PECR: variants seen among roughly 807,000 people sequenced by gnomAD.
PECR encodes 2,4-dienoyl-CoA reductase-related protein.
A neutral mutation model predicts 35.3 loss-of-function variants in PECR; 30 were observed. The observed-to-expected ratio is 0.85, with a 90% CI of 0.64 to 1.15. PECR has a LOEUF of 1.15. Ranked by LOEUF, PECR falls within the 50% of genes most tolerant of loss-of-function variation. PECR has a pLI of 0.00. For missense variants in PECR, 392 were observed against 370.8 expected (o/e 1.06, Z -0.47); for synonymous variants, 148 against 138.9 (o/e 1.07, Z -0.46).
intron 5 of PECR, among the ~76,000 whole-genome samples, chr2:216,050,259 G>A (rs1286068333): frequency 6.6e-6 from 1 of 152,178 alleles, no homozygotes; most frequent in Non-Finnish European, 1.5e-5. Flanking sequence ...ACAGGATACA[G>A]CTATTTGTAA....
chr2:216,042,345 T>C (rs190150856), intron 7 of PECR, among the ~76,000 whole-genome samples: 1 of 152,328 alleles, frequency 6.6e-6, no homozygotes, highest in Non-Finnish European at 1.5e-5. Context: ...TGCTCGCCTC[T>C]CACATACACC....
chr2:216,034,510 AT>A (rs1036866905), downstream of PECR, among the ~76,000 whole-genome samples: 5 of 151,024 alleles, frequency 3.3e-5, no homozygotes, highest in African/African-American at 9.8e-5. Flanking sequence ...AGTCTGTGAT[AT>A]TTTTTTTTCC....
intron 1 of PECR, among the ~76,000 whole-genome samples, chr2:216,071,274 G>A (rs1302926617): frequency 6.6e-6 from 1 of 152,218 alleles, no homozygotes; most frequent in African/African-American, 2.4e-5. Context: ...GTGGCCAGGA[G>A]GCATGCCGTT....
chr2:216,047,905 A>G (rs1190568694), intron 6 of PECR, among the ~76,000 whole-genome samples: 1 of 152,040 alleles, frequency 6.6e-6, no homozygotes, highest in Non-Finnish European at 1.5e-5. Flanking sequence ...CTTCACAGAA[A>G]AAGGGGTTTT....
intron 6 of PECR, 131 bp from the exon 7 acceptor site, chr2:216,044,146 C>T (rs1182031454): frequency 4.4e-6 from 3 of 677,122 alleles, no homozygotes; most frequent in African/African-American, 1.8e-5. Context: ...TGCATGTGCA[C>T]CACAACCTCA....
intron 5 of PECR, among the ~76,000 whole-genome samples, chr2:216,050,155 G>A (rs116375138): frequency 2.0e-3 from 304 of 152,238 alleles, no homozygotes; most frequent in African/African-American, 6.7e-3. Flanking sequence ...CCAGGAGTTC[G>A]AGGCTGCAGT....
chr2:216,079,837 C>A (rs1695793805), intron 1 of PECR, among the ~76,000 whole-genome samples: 1 of 147,186 alleles, frequency 6.8e-6, no homozygotes, highest in African/African-American at 2.6e-5. Flanking sequence ...CAAAATTAGC[C>A]TAGCAAGGTA....
Position 216,051,526 on chromosome 2 carries a change from C to T in PECR, c.526G>A (p.Ala176Thr). ...GATTTGGTGAGGTTGTAAACACCTG[C>T]TCTTGCAGCTCCAGAATGCCTTTGA... ...PLAVHSGAAR[A>T]GVYNLTKSLA... is the part of the protein sequence containing the mutation. Residue 176 changes from alanine to threonine, a missense_variant, in exon 5 of 8, where the codon GCA (alanine) becomes ACA (threonine). Transcript: ENST00000265322. 1.4e-5 allele frequency: 22 copies of T among 1,609,218 alleles called. No homozygotes were observed. Among genetic ancestry groups the T allele is most frequent in the Non-Finnish European group, 1.9e-5 (22 of 1,175,486 alleles).
At chr2:216,043,329 C>CT (rs1448176584) in intron 7 of PECR, among the ~76,000 whole-genome samples, 1 of 152,028 alleles carries the variant, frequency 6.6e-6, no homozygotes, top group African/African-American at 2.4e-5. Flanking sequence ...AGGCTGGTCT[C>CT]TATCTCCTGA....
At chr2:216,070,711 G>C in intron 1 of PECR, among the ~76,000 whole-genome samples, 1 of 152,140 alleles carries the variant, frequency 6.6e-6, no homozygotes, top group East Asian at 1.9e-4. Context: ...GAGCTCCTAC[G>C]GCCTTTTGTA....
At chr2:216,050,490 A>G (rs555701361) in intron 5 of PECR, among the ~76,000 whole-genome samples, 1 of 152,356 alleles carries the variant, frequency 6.6e-6, no homozygotes, top group African/African-American at 2.4e-5. Context: ...GCAAACATGA[A>G]TTAATATTAG....
At chr2:216,056,239 G>C (rs1695223094) in intron 4 of PECR, among the ~76,000 whole-genome samples, 1 of 151,980 alleles carries the variant, frequency 6.6e-6, no homozygotes, top group South Asian at 2.1e-4. Flanking sequence ...TCTCTTAAGA[G>C]AGCTAAAATT....
chr2:216,046,323 T>TTTGTTTTG (rs1694994746), intron 6 of PECR, among the ~76,000 whole-genome samples: 1 of 140,200 alleles, frequency 7.1e-6, no homozygotes, highest in African/African-American at 2.7e-5. Context: ...TTTTTTTTTT[T>TTTGTTTTG]TTTTTTTGAG....
intron 7 of PECR, among the ~76,000 whole-genome samples, chr2:216,031,040 TCTG>T (rs1694680642): frequency 6.6e-6 from 1 of 151,504 alleles, no homozygotes; most frequent in South Asian, 2.1e-4. Flanking sequence ...CATCAAAACA[TCTG>T]CTCTGTATCT....
intron 1 of PECR, among the ~76,000 whole-genome samples, chr2:216,066,739 G>T (rs1209412538): frequency 1.3e-5 from 2 of 152,128 alleles, no homozygotes; most frequent in Non-Finnish European, 2.9e-5. Flanking sequence ...AGGCTAGAGT[G>T]CAGTGGCTTG....
At chr2:216,051,243 G>A (rs1695107642) in intron 5 of PECR, among the ~76,000 whole-genome samples, 1 of 132,392 alleles carries the variant, frequency 7.6e-6, no homozygotes, top group Non-Finnish European at 1.5e-5. Flanking sequence ...CCACGATCAT[G>A]CCACTGCACT....
chr2:216,050,244 A>G (rs1313481806), intron 5 of PECR, among the ~76,000 whole-genome samples: 1 of 152,166 alleles, frequency 6.6e-6, no homozygotes, highest in African/African-American at 2.4e-5. Flanking sequence ...AAAAAATTGT[A>G]TCTCACAGGA....
At chr2:216,065,184 A>T (rs1304891973) in intron 3 of PECR, 128 bp downstream of exon 3, 4 of 772,698 alleles carry the variant, frequency 5.2e-6, no homozygotes, top group Non-Finnish European at 9.5e-6. Flanking sequence ...ACCAATTTAC[A>T]TTCCTATGTT....
chr2:216,081,039 CCTTTAAA>C (rs1695830506), intron 1 of PECR, among the ~76,000 whole-genome samples: 1 of 152,096 alleles, frequency 6.6e-6, no homozygotes, highest in Admixed American at 6.5e-5. Flanking sequence ...TCTTCATATG[CCTTTAAA>C]CTTTATATAT....
Sources: allele counts gnomAD v4.1 joint callset (sites outside exome capture counted in the v4.1 genomes callset), GRCh38; gene constraint gnomAD v4.1.1; transcripts MANE v1.5; gene names NCBI Gene and HGNC (gene_info 2026-07-23, HGNC 2026-07-21).